The following NEDD4 variants were observed in gnomAD, a reference collection of about 807,000 sequenced individuals.
The protein encoded by NEDD4 is NEDD4 E3 ubiquitin protein ligase, also known as E3 ubiquitin-protein ligase NEDD4.
Under a neutral mutation model 144.9 loss-of-function variants are expected in NEDD4, and 99 were observed. The ratio of observed to expected loss-of-function variants is 0.68; its 90% confidence interval spans 0.58 to 0.81. The LOEUF is 0.81. NEDD4 is among the 30% of genes least tolerant of loss of function. NEDD4 has a pLI of 0.00. For synonymous variants in NEDD4, 318 were observed against 350.6 expected, an observed-to-expected ratio of 0.91 and a Z score of 1.04; for missense variants, 985 against 1,065.9, an observed-to-expected ratio of 0.92 and a Z score of 1.06.
intron 4 of NEDD4, among the ~76,000 whole-genome samples, chr15:55,932,943 G>A (rs571655847): frequency 6.6e-6 from 1 of 152,360 alleles, no homozygotes; most frequent in Admixed American, 6.5e-5. Flanking sequence ...CTGGCCATCA[G>A]AGAGTTTGCA....
intron 4 of NEDD4, among the ~76,000 whole-genome samples, chr15:55,937,940 T>C (rs2036924173): frequency 6.6e-6 from 1 of 152,144 alleles, no homozygotes; most frequent in Non-Finnish European, 1.5e-5. Context: ...ATTAAAACAG[T>C]ATGACACAGG....
At chr15:55,880,917 G>A (rs575199053) in intron 5 of NEDD4, among the ~76,000 whole-genome samples, 8 of 152,222 alleles carry the variant, frequency 5.3e-5, no homozygotes, top group East Asian at 3.9e-4. Flanking sequence ...AAATACTGGC[G>A]TATATAATGA....
In NEDD4 at chr15:55,993,493, G is replaced by GC; in HGVS notation, c.45+17dup. On this transcript the variant is annotated intron_variant, in intron 1 of 28. Transcript: ENST00000435532. ...AACCCGAAGGGAAGCCCGCCCCGCAGCCCCGCGGTCCCCGCACCTCGTCCT... is the reference window on the plus strand; with the variant it reads ...AACCCGAAGGGAAGCCCGCCCCGCAGCCCCCGCGGTCCCCGCACCTCGTCCT... 1 of 1,594,880 alleles carries GC rather than the reference G, an allele frequency of 6.3e-7. No individual in the cohort carries two copies. Among genetic ancestry groups the GC allele is most frequent in the Non-Finnish European group, 8.5e-7 (1 of 1,173,142 alleles).
chr15:55,971,624 CAAA>C (rs59537454), intron 1 of NEDD4, among the ~76,000 whole-genome samples: 4 of 124,632 alleles, frequency 3.2e-5, no homozygotes, highest in African/African-American at 2.9e-5. Flanking sequence ...GACTCTGTCT[CAAA>C]AAAAAAAAAA....
At chr15:55,925,571 C>A (rs1222598929) in intron 4 of NEDD4, among the ~76,000 whole-genome samples, 7 of 152,124 alleles carry the variant, frequency 4.6e-5, no homozygotes, top group African/African-American at 1.7e-4. Flanking sequence ...AAAGCCAATG[C>A]TTTCATTCTT....
chr15:55,912,859 T>A (rs1595835970), intron 5 of NEDD4, among the ~76,000 whole-genome samples: 1 of 152,262 alleles, frequency 6.6e-6, no homozygotes, highest in African/African-American at 2.4e-5. Context: ...CATATGCCAG[T>A]CACTGTTATG....
At chr15:55,889,260 T>C (rs2035488575) in intron 5 of NEDD4, among the ~76,000 whole-genome samples, 1 of 152,212 alleles carries the variant, frequency 6.6e-6, no homozygotes, top group South Asian at 2.1e-4. Context: ...TGAAAGGATA[T>C]GTGCACTTCA....
intron 2 of NEDD4, chr15:55,952,671 A>T (rs2037263728): frequency 6.6e-6 from 1 of 152,300 alleles, no homozygotes; most frequent in Non-Finnish European, 1.5e-5. Flanking sequence ...CTAGTGAGTC[A>T]GGAGTCCTCT....
chr15:55,851,428 C>T (rs1340104265), intron 13 of NEDD4, among the ~76,000 whole-genome samples: 4 of 151,266 alleles, frequency 2.6e-5, no homozygotes, highest in Admixed American at 1.3e-4. Context: ...AGTGTTCTCT[C>T]GTTGCAAAAT....
intron 5 of NEDD4, among the ~76,000 whole-genome samples, chr15:55,906,821 C>T (rs1412773944): frequency 1.1e-4 from 16 of 152,182 alleles, no homozygotes; most frequent in African/African-American, 2.6e-4. Flanking sequence ...TTAGGCTGGG[C>T]GCAGTGGCTC....
At chr15:55,837,912 C>G in intron 23 of NEDD4, 63 bp from the exon 24 acceptor site, 1 of 1,369,462 alleles carries the variant, frequency 7.3e-7, no homozygotes, top group Admixed American at 1.8e-5. Flanking sequence ...CACAATTATT[C>G]TAGTTAGAAA....
intron 4 of NEDD4, among the ~76,000 whole-genome samples, chr15:55,936,735 C>T (rs1345146991): frequency 6.6e-6 from 1 of 151,900 alleles, no homozygotes; most frequent in Non-Finnish European, 1.5e-5. Flanking sequence ...TAATGTGTTG[C>T]ACTTTTTTCC....
rs939805505 is a variant in NEDD4, at chr15:55,881,331, G to A, written c.292-7323C>T. Among the ~76,000 whole-genome samples the A allele has an allele frequency of 2.6e-5, 4 of 151,998 alleles. No homozygotes were observed. The East Asian group carries it at 5.8e-4, about 22-fold the overall frequency. On this transcript the variant is annotated intron_variant, in intron 5 of 28. Coordinates refer to ENST00000435532, the MANE Select transcript of NEDD4 (RefSeq NM_006154.4). ...TAATTTTGTATTTTTAGTAGAGACA[G>A]GGTTTCACCATGTTGGCCAGGCTGG... is the stretch of plus-strand genomic sequence containing the variant.
At chr15:55,993,419 C>G in intron 1 of NEDD4, 92 bp downstream of exon 1, 1 of 1,480,584 alleles carries the variant, frequency 6.8e-7, no homozygotes, top group South Asian at 1.2e-5. Context: ...GACAGCAGAG[C>G]CTCCGGTCGT....
intron 19 of NEDD4, 141 bp downstream of exon 19, chr15:55,841,793 G>A (rs1225793973): frequency 2.4e-5 from 16 of 664,554 alleles, no homozygotes; most frequent in Admixed American, 7.7e-5. Context: ...GGATGGTCTC[G>A]ATATCCTGAC....
chr15:55,848,930 A>G, intron 14 of NEDD4, 44 bp from the exon 15 acceptor site: 2 of 1,455,902 alleles, frequency 1.4e-6, no homozygotes, highest in Non-Finnish European at 1.9e-6. Context: ...ACAAATTTTA[A>G]AATAATCAAA....
At chr15:55,915,609 G>C (rs2142208846) in intron 5 of NEDD4, 1 of 1,613,730 alleles carries the variant, frequency 6.2e-7, no homozygotes, top group East Asian at 2.2e-5. Context: ...CTCTGAATCA[G>C]AATTAAGCTT....
In NEDD4 at chr15:55,842,182, G is replaced by A. The variant is rs1338728255; in HGVS notation, c.1609-19C>T. 1.3e-6 allele frequency: 2 copies of A among 1,595,678 alleles called. No individual in the cohort carries two copies. Among genetic ancestry groups the A allele is most frequent in the Non-Finnish European group, 1.7e-6 (2 of 1,163,396 alleles). On this transcript the variant is annotated intron_variant, in intron 18 of 28. Transcript: ENST00000435532. The stretch of plus-strand genomic sequence containing the variant: ...TGTCATTCTGAAAATCCAGAGGAGA[G>A]ACGTACTGTTTAAATCAGTTCAACA...
At chr15:55,898,759 G>A (rs2035819562) in intron 5 of NEDD4, among the ~76,000 whole-genome samples, 1 of 149,644 alleles carries the variant, frequency 6.7e-6, no homozygotes, top group African/African-American at 2.5e-5. Context: ...TTCAGTCCCT[G>A]AGTAGCTGGG....
Sources: gnomAD v4.1 joint callset for allele counts (sites outside exome capture counted in the v4.1 genomes callset) on GRCh38, gnomAD v4.1.1 for gene constraint, MANE v1.5 for transcripts, NCBI Gene and HGNC (gene_info 2026-07-23, HGNC 2026-07-21) for gene names.